Variants in CDCA2 observed in about 807,000 individuals in gnomAD.
The protein encoded by CDCA2 is cell division cycle-associated protein 2.
Under a neutral mutation model 67.0 loss-of-function variants are expected in CDCA2, and 44 were observed. The observed-to-expected ratio is 0.66, with a 90% CI of 0.52 to 0.84. The LOEUF is 0.84. CDCA2 is among the 40% of genes least tolerant of loss of function. The pLI is 0.00. For synonymous variants in CDCA2, 447 were observed against 418.7 expected, an observed-to-expected ratio of 1.07 and a Z score of -0.82; for missense variants, 1,253 against 1,203.2, an observed-to-expected ratio of 1.04 and a Z score of -0.61.
chr8:25,504,830 T>G, intron 14 of CDCA2, among the ~76,000 whole-genome samples: 1 of 152,204 alleles, frequency 6.6e-6, no homozygotes, highest in East Asian at 1.9e-4. Flanking sequence ...CATACTTCCA[T>G]CACCTAGTTT....
At chr8:25,458,934 A>C (rs895430989), upstream of CDCA2, 1 of 152,628 alleles carries the variant, frequency 6.6e-6, no homozygotes, top group African/African-American at 2.4e-5. Flanking sequence ...ATCCAATAGA[A>C]AGGTGGGAGG....
intron 7 of CDCA2, among the ~76,000 whole-genome samples, chr8:25,475,633 T>G (rs1225987735): frequency 3.9e-5 from 6 of 152,196 alleles, no homozygotes; most frequent in Admixed American, 3.3e-4. Flanking sequence ...GACCTACAGT[T>G]GCTTCTCGAC....
intron 4 of CDCA2, 143 bp downstream of exon 4, chr8:25,462,351 G>C: frequency 2.2e-6 from 2 of 901,438 alleles, no homozygotes; most frequent in South Asian, 3.4e-5. Context: ...TAGCGGCCGG[G>C]CGCGGTGGCT....
chr8:25,481,809 C>G (rs1359539674), intron 8 of CDCA2, among the ~76,000 whole-genome samples: 1 of 152,126 alleles, frequency 6.6e-6, no homozygotes, highest in African/African-American at 2.4e-5. Flanking sequence ...AAAAATAAAT[C>G]TAAAAGTAAA....
At position 25,468,289 on chromosome 8, in the gene CDCA2, T is replaced by C. The variant is rs760165404; in HGVS notation, c.611T>C (p.Ile204Thr). Residue 204 changes from isoleucine to threonine, a missense_variant, in exon 6 of 15, where the codon ATA becomes ACA. Ile to Thr is a moderately conservative substitution (Grantham distance 89). Transcript: ENST00000330560. ...GTGTTGTCCTCCAAACGTCGGAGAA[T>C]ATCCTATCAGAGAGACTCTGATGAA... ...PAVLSSKRRR[I>T]SYQRDSDENL... The C allele has an allele frequency of 1.2e-6, 2 of 1,613,176 alleles. No individual in the cohort carries two copies. The highest frequency in any genetic ancestry group is 1.7e-6 in the Non-Finnish European group (2 of 1,179,588).
intron 13 of CDCA2, among the ~76,000 whole-genome samples, chr8:25,489,701 G>A (rs552073756): frequency 6.6e-6 from 1 of 152,252 alleles, no homozygotes; most frequent in East Asian, 1.9e-4. Flanking sequence ...TGACATGATG[G>A]AACACTCCTG....
At chr8:25,483,303 C>T in intron 8 of CDCA2, 96 bp from the exon 9 acceptor site, 1 of 633,790 alleles carries the variant, frequency 1.6e-6, no homozygotes, top group Non-Finnish European at 2.6e-6. Flanking sequence ...GAATATCTAT[C>T]TGCAGTTGAC....
chr8:25,506,253 G>A (rs1485506376), intron 14 of CDCA2, among the ~76,000 whole-genome samples: 1 of 152,158 alleles, frequency 6.6e-6, no homozygotes, highest in Non-Finnish European at 1.5e-5. Context: ...TTCAGATGCT[G>A]TTCTCATTTT....
At position 25,507,707 on chromosome 8, in the gene CDCA2, G is replaced by A; in HGVS notation, c.3041G>A (p.Arg1014Lys). 1 of 1,612,708 alleles carries A rather than the reference G, an allele frequency of 6.2e-7. No individual in the cohort carries two copies. Among genetic ancestry groups the A allele is most frequent in the Non-Finnish European group, 8.5e-7 (1 of 1,179,648 alleles). Residue 1014 changes from arginine (R) to lysine (K), a missense_variant, in exon 15 of 15, where the codon AGG becomes AAG. By Grantham distance (26) the Arg-to-Lys change is conservative (BLOSUM62 2). Coordinates refer to ENST00000330560, the MANE Select transcript of CDCA2 (RefSeq NM_152562.4). The stretch of plus-strand genomic sequence containing the variant: ...GAGAGCTCTCTGACTGCCTTGGAAA[G>A]GATTGAACATAATGGAGAAAGAAAG... ...KGESSLTALERIEHNGERKQ is the reference protein window; with the variant it reads ...KGESSLTALEKIEHNGERKQ
chr8:25,468,532 G>GGGGTGTGTGTGTGT (rs1554520606), intron 6 of CDCA2, 119 bp downstream of exon 6: 1 of 423,122 alleles, frequency 2.4e-6, no homozygotes, highest in South Asian at 5.1e-5. Flanking sequence ...TGGTTCCTGG[G>GGGGTGTGTGTGTGT]GTGTGTGTGT....
chr8:25,468,557 G>GTGTGTGTGTC, intron 6 of CDCA2, 144 bp downstream of exon 6: 1 of 491,532 alleles, frequency 2.0e-6, no homozygotes, highest in Non-Finnish European at 3.6e-6. Context: ...GTGTGTGTGT[G>GTGTGTGTGTC]CGTGTGTGTG....
At chr8:25,485,079 A>G (rs1255442342) in intron 10 of CDCA2, among the ~76,000 whole-genome samples, 1 of 145,916 alleles carries the variant, frequency 6.9e-6, no homozygotes, top group Non-Finnish European at 1.5e-5. Flanking sequence ...TAAGACAGAA[A>G]TACGATCATC....
intron 3 of CDCA2, 89 bp from the exon 4 acceptor site, chr8:25,461,963 TTC>T: frequency 7.9e-7 from 1 of 1,264,366 alleles, no homozygotes; most frequent in East Asian, 2.3e-5. Context: ...TTATCATGTT[TTC>T]TCTCTCAGGC....
intron 4 of CDCA2, among the ~76,000 whole-genome samples, chr8:25,464,609 T>C (rs1447676502): frequency 6.6e-6 from 1 of 152,176 alleles, no homozygotes; most frequent in Admixed American, 6.6e-5. Context: ...GAAAAAACAA[T>C]TTTGACTAGA....
chr8:25,497,094 A>G (rs1804253148), intron 13 of CDCA2, among the ~76,000 whole-genome samples: 1 of 152,152 alleles, frequency 6.6e-6, no homozygotes, highest in African/African-American at 2.4e-5. Context: ...TACAGTCCCA[A>G]GTGCTTTTTT....
In CDCA2 at chr8:25,483,516, G is replaced by A. The variant is rs751000005; in HGVS notation, c.1120+30G>A. 29 of 1,490,296 alleles carry A rather than the reference G, an allele frequency of 1.9e-5. No individual in the cohort carries two copies. The South Asian group carries it at 2.9e-4, about 15-fold the overall frequency. 92.3% of individuals were successfully genotyped at this position (1,490,296 alleles called of 1,614,324 possible). A position where few individuals can be genotyped will look rare whatever the true frequency, so the allele number is the denominator to read the frequency against. ...GAAATTCATACTTGTTTTTAAGCTT[G>A]AGGATATCATTTTCATGTTAGTAAA... is the stretch of plus-strand genomic sequence containing the variant. On this transcript the variant is annotated intron_variant, in intron 9 of 14. Transcript: ENST00000330560.
At chr8:25,497,158 AT>A (rs2117541792) in intron 13 of CDCA2, among the ~76,000 whole-genome samples, 1 of 152,172 alleles carries the variant, frequency 6.6e-6, no homozygotes, top group African/African-American at 2.4e-5. Context: ...CAAATAATCC[AT>A]TTTCACAAGC....
intron 7 of CDCA2, among the ~76,000 whole-genome samples, chr8:25,479,159 C>T (rs1294396485): frequency 2.6e-5 from 4 of 152,098 alleles, no homozygotes; most frequent in Admixed American, 1.3e-4. Context: ...CATGTGGATT[C>T]ATGTGAGCAC....
intron 13 of CDCA2, among the ~76,000 whole-genome samples, chr8:25,497,464 A>G (rs796535870): frequency 4.6e-5 from 7 of 150,854 alleles, no homozygotes; most frequent in African/African-American, 1.7e-4. Context: ...CAGAGAGACA[A>G]GAAGATCTTA....
Sources: allele counts gnomAD v4.1 joint callset (sites outside exome capture counted in the v4.1 genomes callset), GRCh38; gene constraint gnomAD v4.1.1; transcripts MANE v1.5; gene names NCBI Gene and HGNC (gene_info 2026-07-23, HGNC 2026-07-21).